Variants in CALB2 observed in about 807,000 individuals in gnomAD.
The protein encoded by CALB2 is calretinin.
In CALB2, 34 loss-of-function variants were observed where a neutral mutation model predicts 45.9. That is an observed-to-expected ratio of 0.74 (90% CI 0.56 to 0.99). The LOEUF is 0.99. CALB2 is among the 50% of genes least tolerant of loss of function. The pLI is 0.00. For missense variants in CALB2, 344 were observed against 339.3 expected (o/e 1.01, Z -0.11); for synonymous variants, 142 against 129.6 (o/e 1.10, Z -0.65).
intron 10 of CALB2, among the ~76,000 whole-genome samples, chr16:71,388,718 C>T (rs1024854793): frequency 1.3e-5 from 2 of 151,738 alleles, no homozygotes; most frequent in African/African-American, 4.8e-5. Context: ...CAGTGGTTCA[C>T]ACCTGTAATC....
chr16:71,381,866 T>C (rs2042495676), intron 4 of CALB2, among the ~76,000 whole-genome samples: 1 of 151,560 alleles, frequency 6.6e-6, no homozygotes, highest in African/African-American at 2.4e-5. Flanking sequence ...AAATAAAAAA[T>C]TAGTTGCGTG....
intron 10 of CALB2, among the ~76,000 whole-genome samples, chr16:71,387,541 A>G (rs990244998): frequency 4.0e-5 from 6 of 151,516 alleles, no homozygotes; most frequent in Non-Finnish European, 7.4e-5. Context: ...AAGGTTTCTG[A>G]GCAGATTAAT....
intron 4 of CALB2, among the ~76,000 whole-genome samples, chr16:71,382,165 G>GGAAGGAAGGAAGGAAAGAAAAT (rs1288745297): frequency 2.9e-4 from 26 of 89,846 alleles, no homozygotes; most frequent in Admixed American, 2.2e-3. Flanking sequence ...AGAAAATAAA[G>GGAAGGAAGGAAGGAAAGAAAAT]GAAGGAAGGA....
chr16:71,386,900 T>C (rs189317496), intron 10 of CALB2, among the ~76,000 whole-genome samples: 1 of 152,186 alleles, frequency 6.6e-6, no homozygotes, highest in South Asian at 2.1e-4. Flanking sequence ...ACAATTACTC[T>C]TGAAAGAGGC....
intron 10 of CALB2, among the ~76,000 whole-genome samples, chr16:71,387,646 G>A (rs1376157466): frequency 6.6e-6 from 1 of 152,150 alleles, no homozygotes; most frequent in Admixed American, 6.5e-5. Flanking sequence ...GCCTTCCCCA[G>A]TTTTAAGTGA....
At chr16:71,378,866 AG>A (rs2042449090) in intron 4 of CALB2, among the ~76,000 whole-genome samples, 1 of 152,246 alleles carries the variant, frequency 6.6e-6, no homozygotes, top group African/African-American at 2.4e-5. Flanking sequence ...AGCAGGCTAG[AG>A]AAGGATGGAC....
chr16:71,373,185 C>G (rs1567538093), intron 2 of CALB2, among the ~76,000 whole-genome samples: 1 of 152,132 alleles, frequency 6.6e-6, no homozygotes, highest in East Asian at 1.9e-4. Context: ...TCAGCTCCCT[C>G]GGGTCCTCTG....
rs752739435 is a variant in CALB2 at position 71,382,782 on chromosome 16, T to C, written c.399+7T>C. ...CGAAGCCAATGAGCTCAAGGTAGGATGGGCCTTGGGGAGGGTGTGAGGCCA... is the reference window on the plus strand; with the variant it reads ...CGAAGCCAATGAGCTCAAGGTAGGACGGGCCTTGGGGAGGGTGTGAGGCCA... On this transcript the variant is annotated splice_region_variant and intron_variant, in intron 5 of 10. Coordinates refer to ENST00000302628, the MANE Select transcript of CALB2 (RefSeq NM_001740.5). 1 of 1,608,766 alleles carries C rather than the reference T, an allele frequency of 6.2e-7. No individual in the cohort carries two copies. The highest frequency in any genetic ancestry group is 8.5e-7 in the Non-Finnish European group (1 of 1,177,580).
intron 10 of CALB2, among the ~76,000 whole-genome samples, chr16:71,388,397 G>C (rs1598179222): frequency 1.3e-5 from 2 of 151,886 alleles, no homozygotes; most frequent in South Asian, 4.2e-4. Flanking sequence ...GGATAGAGTG[G>C]GGGAGAAGGA....
Position 71,379,775 on chromosome 16 carries a change from C to T in CALB2, c.342+2028C>T, listed in dbSNP as rs571422546. On this transcript the variant is annotated intron_variant, in intron 4 of 10. Transcript: ENST00000302628. The stretch of plus-strand genomic sequence containing the variant: ...GAAGCCTGTGTGGCAGCAAGCTCCC[C>T]TCCTGGGCAGACAGTCAGTGAGAAA... Among the ~76,000 whole-genome samples the T allele has an allele frequency of 4.1e-4, 62 of 150,900 alleles. 1 individual carries two copies. The highest frequency in any genetic ancestry group is 6.0e-5 in the Non-Finnish European group (4 of 67,088).
At chr16:71,378,360 A>G (rs1211890263) in intron 4 of CALB2, among the ~76,000 whole-genome samples, 1 of 151,998 alleles carries the variant, frequency 6.6e-6, no homozygotes, top group Non-Finnish European at 1.5e-5. Context: ...AAAAATAAAA[A>G]GCTACCATAG....
At chr16:71,387,460 C>G (rs1016610239) in intron 10 of CALB2, among the ~76,000 whole-genome samples, 1 of 148,220 alleles carries the variant, frequency 6.7e-6, no homozygotes, top group African/African-American at 2.5e-5. Flanking sequence ...AACGGAAGGG[C>G]CTTTTTTTTT....
At chr16:71,375,271 T>TA (rs2042397207) in intron 3 of CALB2, among the ~76,000 whole-genome samples, 1 of 152,236 alleles carries the variant, frequency 6.6e-6, no homozygotes, top group African/African-American at 2.4e-5. Flanking sequence ...AATTTGCATA[T>TA]AACATAATTT....
intron 4 of CALB2, among the ~76,000 whole-genome samples, chr16:71,379,219 G>C (rs1037119431): frequency 6.6e-6 from 1 of 152,044 alleles, no homozygotes; most frequent in Non-Finnish European, 1.5e-5. Context: ...AGAGGTTGCA[G>C]TGAGCCAAGA....
intron 6 of CALB2, 118 bp downstream of exon 6, chr16:71,383,562 C>A: frequency 1.1e-6 from 1 of 900,202 alleles, no homozygotes; most frequent in Non-Finnish European, 1.7e-6. Context: ...GGAAGTGATT[C>A]ACAGTGGCAG....
Position 71,358,871 on chromosome 16 carries a change from C to A in CALB2, c.79C>A (p.His27Asn), listed in dbSNP as rs1216273642. ...GTCCCAGTTCCTGGAAATATGGAAG[C>A]ACTTTGACGCAGACGGTCAGTAAAG... ...TASQFLEIWK[H>N]FDADGNGYIE... Residue 27 changes from histidine (H) to asparagine (N), a missense_variant, in exon 1 of 11, where the codon CAC becomes AAC. By Grantham distance (68) the His-to-Asn change is moderately conservative. Transcript: ENST00000302628. 6.2e-7 allele frequency: 1 copy of A among 1,613,182 alleles called. No homozygotes were observed. The highest frequency in any genetic ancestry group is 1.1e-5 in the South Asian group (1 of 90,836).
intron 1 of CALB2, among the ~76,000 whole-genome samples, chr16:71,359,747 A>G (rs1197321116): frequency 6.6e-6 from 1 of 152,186 alleles, no homozygotes; most frequent in Non-Finnish European, 1.5e-5. Context: ...CCTCCTTTAG[A>G]GGCTTTTGAT....
chr16:71,385,886 C>T (rs963972671), intron 10 of CALB2, among the ~76,000 whole-genome samples: 1 of 152,062 alleles, frequency 6.6e-6, no homozygotes, highest in Non-Finnish European at 1.5e-5. Context: ...GAAAGCTTAC[C>T]ATCTTCACAT....
At chr16:71,374,470 C>T (rs945885336) in intron 2 of CALB2, among the ~76,000 whole-genome samples, 3 of 152,130 alleles carry the variant, frequency 2.0e-5, no homozygotes, top group Non-Finnish European at 1.5e-5. Flanking sequence ...TAGCTTAATC[C>T]ATCTCAAAGG....
Sources: gnomAD v4.1 joint callset for allele counts (sites outside exome capture counted in the v4.1 genomes callset) on GRCh38, gnomAD v4.1.1 for gene constraint, MANE v1.5 for transcripts, NCBI Gene and HGNC (gene_info 2026-07-23, HGNC 2026-07-21) for gene names.